The following TET3 variants were observed in gnomAD, a reference collection of about 807,000 sequenced individuals.
The protein encoded by TET3 is tet methylcytosine dioxygenase 3, also known as methylcytosine dioxygenase TET3.
A neutral mutation model predicts 141.4 loss-of-function variants in TET3; 19 were observed. The observed-to-expected ratio is 0.13, with a 90% CI of 0.09 to 0.20. TET3 has a LOEUF of 0.20. Ranked by LOEUF, TET3 falls within the 10% of genes least tolerant of loss-of-function variation. The pLI, the probability that TET3 is intolerant of heterozygous loss-of-function variation, is 1.00. For synonymous variants in TET3, 1,043 were observed against 980.9 expected (o/e 1.06, Z -1.18); for missense variants, 1,874 against 2,356.9 (o/e 0.80, Z 4.24).
the TET3 span, chr2:74,135,131 G>C: frequency 4.6e-6 from 1 of 219,622 alleles, no homozygotes; most frequent in South Asian, 6.8e-5. Context: ...CCATTTCAGA[G>C]CATAAGAAAT....
chr2:74,040,889 C>T (rs1237374544), intron 3 of TET3, among the ~76,000 whole-genome samples: 3 of 152,036 alleles, frequency 2.0e-5, no homozygotes, highest in Non-Finnish European at 2.9e-5. Context: ...AGCAGCAAGA[C>T]CCTGTCTCAA....
At chr2:74,053,517 T>A (rs1269478307) in intron 4 of TET3, among the ~76,000 whole-genome samples, 1 of 152,224 alleles carries the variant, frequency 6.6e-6, no homozygotes, top group Non-Finnish European at 1.5e-5. Flanking sequence ...AACAGGAAGC[T>A]GCAGAGACTA....
Position 74,093,431 on chromosome 2 carries a change from C to G in TET3, c.3130-98C>G. The G allele has an allele frequency of 6.9e-7, 1 of 1,444,794 alleles. No homozygotes were observed. Among genetic ancestry groups the G allele is most frequent in the Non-Finnish European group, 9.2e-7 (1 of 1,090,236 alleles). The allele number at this position is 1,444,794 out of a possible 1,614,324, so 89.5% of individuals were successfully genotyped here. On this transcript the variant is annotated intron_variant, in intron 9 of 11. Coordinates refer to ENST00000409262, the MANE Select transcript of TET3 (RefSeq NM_001287491.2). The surrounding 1 kb of genome is among the most constrained non-coding windows in gnomAD (Gnocchi z 4.2). ...GTCGAAGGGCAAGGTGACTATCATC[C>G]TTAACATCCCTCCTTCCAAGACCTG...
In TET3 at chr2:74,102,038, G is replaced by A; in HGVS notation, c.5250G>A (p.Val1750=). Residue 1750 remains valine, a synonymous_variant, in exon 12 of 12, where the codon GTG becomes GTA. Transcript: ENST00000409262. ...AGAAGCGCAAGTGGGGGGGCACTGT[G>A]GTTGCTGAGCCCCAGCAGAAAGAGA... ...YGKKRKWGGT[V]VAEPQQKEKK... 1 of 1,551,920 alleles carries A rather than the reference G, an allele frequency of 6.4e-7. No individual in the cohort carries two copies.
At chr2:74,068,073 C>G (rs1689005404) in intron 4 of TET3, among the ~76,000 whole-genome samples, 1 of 152,116 alleles carries the variant, frequency 6.6e-6, no homozygotes, top group Non-Finnish European at 1.5e-5. Context: ...TGACCCAGGA[C>G]AGTAGGGAGG....
rs866221746 is a variant in TET3 at position 73,984,945 on chromosome 2, C to G, written c.-637C>G. 1.5e-4 allele frequency among the ~76,000 whole-genome samples: 22 copies of G among 147,246 alleles called. No individual in the cohort carries two copies. Among genetic ancestry groups the G allele is most frequent in the South Asian group, 6.2e-4 (3 of 4,818 alleles). The stretch of plus-strand genomic sequence containing the variant: ...GACGCCTTCATTGCTGCTGCTGCTG[C>G]CGCCGCGGCCGCCGCTGCCTCTTCC... On this transcript the variant is annotated 5_prime_UTR_variant, in exon 1 of 12. Transcript: ENST00000409262. This position sits in a 1 kb window ranked among gnomAD's most constrained non-coding sequence, Gnocchi z 5.6.
chr2:74,127,065 G>C, the TET3 span, among the ~76,000 whole-genome samples: 1 of 152,176 alleles, frequency 6.6e-6, no homozygotes, highest in Non-Finnish European at 1.5e-5. Flanking sequence ...AACTGGGTCA[G>C]AAGAAAAGTG....
At chr2:74,090,170 G>C in intron 8 of TET3, 123 bp downstream of exon 8, 1 of 1,447,604 alleles carries the variant, frequency 6.9e-7, no homozygotes, top group Non-Finnish European at 9.3e-7. Flanking sequence ...ACTTGTTTTC[G>C]TTTTTTTAAA....
intron 3 of TET3, among the ~76,000 whole-genome samples, chr2:74,045,304 G>T (rs974527758): frequency 6.6e-6 from 1 of 152,168 alleles, no homozygotes; most frequent in Non-Finnish European, 1.5e-5. Context: ...TTTTAGAGAT[G>T]CTTTGAGACC....
In TET3 at chr2:74,048,054, C is replaced by A. The variant is rs199503587; in HGVS notation, c.2137C>A (p.Gln713Lys). ...ADDKLEELIR[Q>K]FEAEFGDSFG... is the part of the protein sequence containing the mutation. The stretch of plus-strand genomic sequence containing the variant: ...TGACAAGCTGGAAGAGCTCATCCGG[C>A]AGTTTGAGGCTGAATTTGGAGATAG... Residue 713 changes from glutamine (Q) to lysine (K), a missense_variant, in exon 4 of 12, where the codon CAG (glutamine) becomes AAG (lysine). Gln to Lys is a moderately conservative substitution (Grantham distance 53, BLOSUM62 1). This residue lies in a region of TET3 where 484 missense variants were observed against 462.2 expected (regional missense o/e 1.05). Transcript: ENST00000409262. 6.2e-7 allele frequency: 1 copy of A among 1,611,946 alleles called. No homozygotes were observed. The highest frequency in any genetic ancestry group is 2.2e-5 in the East Asian group (1 of 44,876).
chr2:74,100,303 A>AG lies in TET3; in HGVS notation c.3605-87dup, dbSNP rs1384790357. 5 of 1,322,284 alleles carry AG rather than the reference A, an allele frequency of 3.8e-6. No individual in the cohort carries two copies. In the Admixed American group the frequency reaches 8.7e-5, roughly 23 times the overall value. The allele number at this position is 1,322,284 out of a possible 1,614,324, so 81.9% of individuals were successfully genotyped here. A position where few individuals can be genotyped will look rare whatever the true frequency, so the allele number is the denominator to read the frequency against. On this transcript the variant is annotated intron_variant, in intron 11 of 11. Coordinates refer to ENST00000409262, the MANE Select transcript of TET3 (RefSeq NM_001287491.2). ...AAAAGAGGAAACATCCCTGGGAAAG[A>AG]GGGAGGGTCCATCCCCAGTCCCCGA... is the stretch of plus-strand genomic sequence containing the variant.
At chr2:73,989,174 A>G (rs1684203208) in intron 2 of TET3, among the ~76,000 whole-genome samples, 1 of 152,012 alleles carries the variant, frequency 6.6e-6, no homozygotes, top group Admixed American at 6.6e-5. Context: ...GATGCTGGGG[A>G]CTGCTGGGAC....
At chr2:74,038,020 G>A (rs773662103) in intron 3 of TET3, among the ~76,000 whole-genome samples, 4 of 152,190 alleles carry the variant, frequency 2.6e-5, no homozygotes, top group Non-Finnish European at 4.4e-5. Flanking sequence ...CCTGGGTGGG[G>A]AGAGCAGGGT....
At chr2:73,984,791 C>G (rs1055788327), upstream of TET3, among the ~76,000 whole-genome samples, 47 of 149,360 alleles carry the variant, frequency 3.1e-4, no homozygotes, top group African/African-American at 1.1e-3. The surrounding 1 kb of genome is among the most constrained non-coding windows in gnomAD (Gnocchi z 5.6). Flanking sequence ...GGAACCACCC[C>G]CCTCTCGCCC....
chr2:74,099,228 A>G, intron 10 of TET3, 48 bp from the exon 11 acceptor site: 6 of 1,500,236 alleles, frequency 4.0e-6, no homozygotes, highest in Non-Finnish European at 5.4e-6. Context: ...CTCTCCCAGC[A>G]CTCGGTCCCC....
chr2:74,124,018 C>T, the TET3 span, among the ~76,000 whole-genome samples: 1 of 151,316 alleles, frequency 6.6e-6, no homozygotes, highest in African/African-American at 2.4e-5. Flanking sequence ...AGCCCCTCCG[C>T]CCGGCAGCCA....
chr2:74,052,377 GA>G (rs575866888), intron 4 of TET3, among the ~76,000 whole-genome samples: 113 of 152,234 alleles, frequency 7.4e-4, no homozygotes, highest in African/African-American at 2.6e-3. Context: ...ATGACAATGG[GA>G]AAATCCCATA....
chr2:74,126,675 G>A, the TET3 span, among the ~76,000 whole-genome samples: 2 of 151,716 alleles, frequency 1.3e-5, no homozygotes, highest in African/African-American at 4.8e-5. Flanking sequence ...CTAATTTTTT[G>A]TATTTTTTCA....
intron 2 of TET3, among the ~76,000 whole-genome samples, chr2:73,988,737 C>G (rs1684170121): frequency 6.6e-6 from 1 of 152,072 alleles, no homozygotes; most frequent in Non-Finnish European, 1.5e-5. Context: ...CTGTGGAGTT[C>G]TCTGTTTCTA....
Sources: gnomAD v4.1 joint callset for allele counts (sites outside exome capture counted in the v4.1 genomes callset) on GRCh38, gnomAD v4.1.1 for gene constraint, gnomAD v4.1.1 regional missense constraint, Gnocchi (gnomAD v3.1) non-coding constraint, MANE v1.5 for transcripts, NCBI Gene and HGNC (gene_info 2026-07-23, HGNC 2026-07-21) for gene names.